The following KSR2 variants were observed in gnomAD, a reference collection of about 807,000 sequenced individuals.
The protein encoded by KSR2 is kinase suppressor of ras 2.
A neutral mutation model predicts 107.8 loss-of-function variants in KSR2; 25 were observed. The ratio of observed to expected loss-of-function variants is 0.23; its 90% CI spans 0.17 to 0.32. The LOEUF is 0.32. Ranked by LOEUF, KSR2 falls within the 10% of genes least tolerant of loss-of-function variation. The pLI is 1.00. For synonymous variants in KSR2, 480 were observed against 507.0 expected (o/e 0.95, Z 0.71); for missense variants, 887 against 1,268.9 (o/e 0.70, Z 4.57).
chr12:117,927,010 T>C (rs61659076), intron 1 of KSR2, among the ~76,000 whole-genome samples: 15,688 of 152,234 alleles, frequency 0.1, 1,050 homozygotes, highest in East Asian at 0.31. Context: ...TGGCACACCG[T>C]TGGCACCCAA....
At chr12:117,758,632 G>C (rs886137450) in intron 4 of KSR2, among the ~76,000 whole-genome samples, 10 of 152,164 alleles carry the variant, frequency 6.6e-5, no homozygotes, top group African/African-American at 2.4e-4. Flanking sequence ...AAACACTAAA[G>C]GTGGCCAAGT....
chr12:117,898,090 T>A (rs1171062782), intron 1 of KSR2, among the ~76,000 whole-genome samples: 1 of 152,112 alleles, frequency 6.6e-6, no homozygotes, highest in African/African-American at 2.4e-5. Flanking sequence ...ATCAACTACC[T>A]GCCAACCAGT....
At chr12:117,756,234 T>G (rs12313809) in intron 4 of KSR2, among the ~76,000 whole-genome samples, 20,826 of 152,236 alleles carry the variant, frequency 0.14, 1,841 homozygotes, top group East Asian at 0.39. Flanking sequence ...TATTCAACGA[T>G]GCCATCTAGG....
intron 4 of KSR2, 66 bp from the exon 5 acceptor site, chr12:117,667,724 A>C: frequency 7.3e-7 from 1 of 1,363,430 alleles, no homozygotes; most frequent in Non-Finnish European, 9.8e-7. Context: ...TACAGCAGGG[A>C]GGCCCAGCCT....
At chr12:117,762,791 C>A (rs1355544740) in intron 3 of KSR2, among the ~76,000 whole-genome samples, 6 of 151,944 alleles carry the variant, frequency 3.9e-5, no homozygotes, top group Admixed American at 3.9e-4. Flanking sequence ...TCGCTTGAAC[C>A]CAGGAGGCAG....
intron 10 of KSR2, 81 bp from the exon 11 acceptor site, chr12:117,531,788 C>T (rs1018791118): frequency 9.9e-7 from 1 of 1,006,506 alleles, no homozygotes; most frequent in Non-Finnish European, 1.5e-6. Context: ...CTTACAGCCA[C>T]CACATGGTCA....
At chr12:117,602,235 A>G (rs1880999269) in intron 5 of KSR2, among the ~76,000 whole-genome samples, 1 of 152,208 alleles carries the variant, frequency 6.6e-6, no homozygotes, top group South Asian at 2.1e-4. Context: ...ATTGAAGCAA[A>G]ATTCACATAA....
chr12:117,833,032 G>T (rs951788466), intron 3 of KSR2, among the ~76,000 whole-genome samples: 1 of 152,124 alleles, frequency 6.6e-6, no homozygotes, highest in Non-Finnish European at 1.5e-5. Context: ...TTCGTGGGGC[G>T]GGGGGTGGTG....
chr12:117,968,402 G>T lies in KSR2; in HGVS notation c.-147C>A, dbSNP rs987166788. On this transcript the variant is annotated 5_prime_UTR_variant, in exon 1 of 20. Coordinates refer to ENST00000339824, the MANE Select transcript of KSR2 (RefSeq NM_173598.6). ...AGAAGAAATCCAACATCTCACACAG[G>T]GTTGAGGGGGTGGGAGTGGGAGGAG... 4.4e-6 allele frequency: 6 copies of T among 1,351,406 alleles called. No homozygotes were observed. The Admixed American group carries it at 1.1e-4, about 25-fold the overall frequency. 83.7% of individuals were successfully genotyped at this position (1,351,406 alleles called of 1,614,324 possible). A position where few individuals can be genotyped will look rare whatever the true frequency, so the allele number is the denominator to read the frequency against.
chr12:117,605,752 A>G (rs1191463973), intron 5 of KSR2, among the ~76,000 whole-genome samples: 4 of 152,234 alleles, frequency 2.6e-5, no homozygotes, highest in Admixed American at 6.5e-5. Context: ...GACTGGGTAA[A>G]GAAAATGTGG....
chr12:117,596,995 C>T (rs779979165), intron 5 of KSR2, among the ~76,000 whole-genome samples: 5 of 152,126 alleles, frequency 3.3e-5, no homozygotes, highest in Admixed American at 6.5e-5. Context: ...TTCCATACAC[C>T]GTTTTTGGGC....
intron 5 of KSR2, among the ~76,000 whole-genome samples, chr12:117,607,706 G>A (rs1487158965): frequency 2.0e-5 from 3 of 152,012 alleles, no homozygotes; most frequent in Non-Finnish European, 4.4e-5. Flanking sequence ...GGGAAGCACA[G>A]AGGAGCAGGG....
chr12:117,482,467 G>A (rs1330675290), intron 16 of KSR2, among the ~76,000 whole-genome samples: 1 of 152,208 alleles, frequency 6.6e-6, no homozygotes, highest in Non-Finnish European at 1.5e-5. Flanking sequence ...ATGGCTACTT[G>A]TGGGTGGCCA....
At chr12:117,963,601 T>A (rs1896717251) in intron 1 of KSR2, among the ~76,000 whole-genome samples, 1 of 142,558 alleles carries the variant, frequency 7.0e-6, no homozygotes, top group African/African-American at 2.8e-5. Context: ...AGACCCTGCC[T>A]CAAAAAAAAC....
chr12:117,769,345 G>C (rs1355044207), intron 3 of KSR2, among the ~76,000 whole-genome samples: 7 of 152,032 alleles, frequency 4.6e-5, no homozygotes, highest in African/African-American at 2.4e-5. Flanking sequence ...TGGTAATGCA[G>C]GTCTGGAAGA....
chr12:117,708,300 G>C (rs1458553995), intron 4 of KSR2, among the ~76,000 whole-genome samples: 1 of 152,188 alleles, frequency 6.6e-6, no homozygotes, highest in East Asian at 1.9e-4. Context: ...GTGGAGTCCA[G>C]TGGTTCTAGT....
chr12:117,846,220 A>G (rs1394540990), intron 3 of KSR2, among the ~76,000 whole-genome samples: 1 of 151,734 alleles, frequency 6.6e-6, no homozygotes, highest in African/African-American at 2.4e-5. Flanking sequence ...TGATCAGCCC[A>G]TCAAAGCCAG....
chr12:117,810,379 T>G (rs948290962), intron 3 of KSR2, among the ~76,000 whole-genome samples: 1 of 152,188 alleles, frequency 6.6e-6, no homozygotes, highest in Non-Finnish European at 1.5e-5. Flanking sequence ...GGCACCAACA[T>G]AGCTCATGGT....
intron 3 of KSR2, among the ~76,000 whole-genome samples, chr12:117,854,523 G>C (rs1348226315): frequency 6.6e-6 from 1 of 152,200 alleles, no homozygotes; most frequent in East Asian, 1.9e-4. Flanking sequence ...TTGTTGAATA[G>C]AGCAGGTTGA....
Sources: allele counts gnomAD v4.1 joint callset (sites outside exome capture counted in the v4.1 genomes callset), GRCh38; gene constraint gnomAD v4.1.1; transcripts MANE v1.5; gene names NCBI Gene and HGNC (gene_info 2026-07-23, HGNC 2026-07-21).